KSR1: variants seen among roughly 807,000 people sequenced by gnomAD.
The protein encoded by KSR1 is kinase suppressor of ras 1.
KSR1 carries 35 observed loss-of-function variants against 92.9 expected under a neutral mutation model. That is an observed-to-expected ratio of 0.38 (90% CI 0.29 to 0.50). The LOEUF (loss-of-function observed/expected upper bound fraction) is 0.50, where lower values mean the gene tolerates loss of function less well. Ranked by LOEUF, KSR1 falls within the 20% of genes least tolerant of loss-of-function variation. KSR1 has a pLI of 0.94. For synonymous variants in KSR1, 467 were observed against 472.6 expected (o/e 0.99, Z 0.15); for missense variants, 972 against 1,158.5 (o/e 0.84, Z 2.34).
intron 1 of KSR1, among the ~76,000 whole-genome samples, chr17:27,516,211 A>G (rs897785676): frequency 6.6e-6 from 1 of 152,226 alleles, no homozygotes; most frequent in Non-Finnish European, 1.5e-5. Flanking sequence ...TGAAAGAGCA[A>G]TCGTAATGAT....
At chr17:27,484,084 G>C (rs925939991) in intron 1 of KSR1, among the ~76,000 whole-genome samples, 1 of 152,176 alleles carries the variant, frequency 6.6e-6, no homozygotes, top group African/African-American at 2.4e-5. Flanking sequence ...GACTTGGGGT[G>C]TGAGAAATAT....
intron 1 of KSR1, among the ~76,000 whole-genome samples, chr17:27,515,612 T>G (rs79412860): frequency 2.4e-5 from 3 of 124,832 alleles, no homozygotes; most frequent in African/African-American, 3.7e-5. Context: ...TGCTTCGTAG[T>G]TTTTTTTTTT....
chr17:27,501,130 C>T (rs761088484), intron 1 of KSR1, among the ~76,000 whole-genome samples: 34 of 152,126 alleles, frequency 2.2e-4, no homozygotes, highest in Non-Finnish European at 2.9e-4. Flanking sequence ...GTGCTAAACT[C>T]CTTTCATACA....
At chr17:27,593,115 G>C (rs1477078462) in intron 9 of KSR1, among the ~76,000 whole-genome samples, 1 of 152,214 alleles carries the variant, frequency 6.6e-6, no homozygotes, top group South Asian at 2.1e-4. Context: ...AGGCTTTGCT[G>C]CCCTCACAAG....
At chr17:27,464,590 C>T (rs995830425) in intron 1 of KSR1, among the ~76,000 whole-genome samples, 12 of 151,924 alleles carry the variant, frequency 7.9e-5, no homozygotes, top group Non-Finnish European at 1.0e-4. Context: ...GGTGGTTGTG[C>T]ACACCTGTTG....
At chr17:27,588,348 G>A in intron 5 of KSR1, 127 bp from the exon 6 acceptor site, 1 of 725,108 alleles carries the variant, frequency 1.4e-6, no homozygotes, top group East Asian at 3.0e-5. Flanking sequence ...ACATAGATCA[G>A]GGAGATGCTT....
chr17:27,597,896 G>A (rs1210004451), intron 10 of KSR1, among the ~76,000 whole-genome samples: 1 of 152,176 alleles, frequency 6.6e-6, no homozygotes, highest in Non-Finnish European at 1.5e-5. Context: ...CTCCTTCAAG[G>A]AGACCTCTCG....
chr17:27,534,247 CGTTT>C (rs1161671824), intron 1 of KSR1, among the ~76,000 whole-genome samples: 3 of 152,226 alleles, frequency 2.0e-5, no homozygotes, highest in Non-Finnish European at 2.9e-5. Flanking sequence ...GCCTTGTCTA[CGTTT>C]GCCCATTTTC....
intron 1 of KSR1, among the ~76,000 whole-genome samples, chr17:27,544,198 C>T (rs552209000): frequency 2.8e-4 from 43 of 152,282 alleles, no homozygotes; most frequent in Middle Eastern, 3.4e-3. Flanking sequence ...GCTATGTTCA[C>T]CCAAGGGAGT....
chr17:27,572,456 A>AT (rs1293264235), intron 2 of KSR1, among the ~76,000 whole-genome samples: 1 of 152,194 alleles, frequency 6.6e-6, no homozygotes, highest in East Asian at 1.9e-4. Flanking sequence ...GTGGGCAGTA[A>AT]TTCCTTGGAG....
At chr17:27,585,129 G>T (rs1251052524) in intron 4 of KSR1, among the ~76,000 whole-genome samples, 1 of 152,138 alleles carries the variant, frequency 6.6e-6, no homozygotes, top group Non-Finnish European at 1.5e-5. Flanking sequence ...TAGACACAAG[G>T]TTTCATCACC....
At position 27,592,574 on chromosome 17, in the gene KSR1, A is replaced by G. The variant is rs1430857924; in HGVS notation, c.1247A>G (p.Asp416Gly). 6.2e-7 allele frequency: 1 copy of G among 1,613,960 alleles called. No homozygotes were observed. The change falls in exon 9 of 21, where the codon GAC becomes GGC. Residue 416 changes from aspartate to glycine, a missense_variant. Asp to Gly is a moderately conservative substitution (Grantham distance 94, BLOSUM62 -1). Transcript: ENST00000644974. ...CCCTCGGACATCAACAACCCGGTGG[A>G]CAGAGCAGCCGAACCCCATTTTGGA... is the stretch of plus-strand genomic sequence containing the variant. Reference protein sequence around the residue: ...SVPSDINNPVDRAAEPHFGTL... With the variant: ...SVPSDINNPVGRAAEPHFGTL...
At chr17:27,567,401 A>G (rs1161730610) in intron 2 of KSR1, among the ~76,000 whole-genome samples, 1 of 152,220 alleles carries the variant, frequency 6.6e-6, no homozygotes, top group East Asian at 1.9e-4. Flanking sequence ...GACCAGCCAG[A>G]CTGACATAGT....
At chr17:27,493,665 T>C (rs1448179347) in intron 1 of KSR1, among the ~76,000 whole-genome samples, 1 of 152,154 alleles carries the variant, frequency 6.6e-6, no homozygotes, top group Non-Finnish European at 1.5e-5. Context: ...AACCTTTCCT[T>C]CTGTGTTGTC....
intron 2 of KSR1, among the ~76,000 whole-genome samples, chr17:27,554,787 C>T (rs56810315): frequency 0.094 from 14,239 of 152,234 alleles, 908 homozygotes; most frequent in Middle Eastern, 0.21. Context: ...TCCATGAAAC[C>T]AGTTCCTGGT....
At chr17:27,533,964 C>CGTGTGTGT (rs60306092) in intron 1 of KSR1, among the ~76,000 whole-genome samples, 15,430 of 151,618 alleles carry the variant, frequency 0.1, 926 homozygotes, top group South Asian at 0.16. Flanking sequence ...CGTGTGCGCA[C>CGTGTGTGT]GTGTGTGTGT....
At chr17:27,521,062 C>T (rs1359636188) in intron 1 of KSR1, among the ~76,000 whole-genome samples, 1 of 152,188 alleles carries the variant, frequency 6.6e-6, no homozygotes, top group Non-Finnish European at 1.5e-5. Context: ...TGTTCAGCAC[C>T]GTGGTTCTGA....
At chr17:27,529,656 C>T (rs949022281) in intron 1 of KSR1, among the ~76,000 whole-genome samples, 1 of 152,158 alleles carries the variant, frequency 6.6e-6, no homozygotes. Flanking sequence ...TTATGGTTGC[C>T]GGCAGAGGTA....
intron 1 of KSR1, among the ~76,000 whole-genome samples, chr17:27,474,300 T>C (rs1391483169): frequency 6.6e-6 from 1 of 152,274 alleles, no homozygotes; most frequent in Non-Finnish European, 1.5e-5. Context: ...TGTCACCCTG[T>C]GGCTGCAAGC....
Sources: allele counts gnomAD v4.1 joint callset (sites outside exome capture counted in the v4.1 genomes callset), GRCh38; gene constraint gnomAD v4.1.1; transcripts MANE v1.5; gene names NCBI Gene and HGNC (gene_info 2026-07-23, HGNC 2026-07-21).